Variants in SORCS2 observed in about 807,000 individuals in gnomAD.
The protein encoded by SORCS2 is VPS10 domain-containing receptor SorCS2.
Under a neutral mutation model 141.6 loss-of-function variants are expected in SORCS2, and 100 were observed. The ratio of observed to expected loss-of-function variants is 0.71; its 90% CI spans 0.60 to 0.83. SORCS2 has a LOEUF of 0.83. Ranked by LOEUF, SORCS2 falls within the 40% of genes least tolerant of loss-of-function variation. The pLI is 0.00. For missense variants in SORCS2, 1,646 were observed against 1,560.2 expected, an observed-to-expected ratio of 1.05 and a Z score of -0.93; for synonymous variants, 789 against 676.9, an observed-to-expected ratio of 1.17 and a Z score of -2.57.
At chr4:7,210,506 C>G (rs1321330016) in intron 1 of SORCS2, among the ~76,000 whole-genome samples, 1 of 152,144 alleles carries the variant, frequency 6.6e-6, no homozygotes, top group African/African-American at 2.4e-5. Flanking sequence ...GTGTTGAACT[C>G]CTGGGCTCGA....
intron 8 of SORCS2, among the ~76,000 whole-genome samples, chr4:7,669,395 G>C (rs1434196538): frequency 6.6e-6 from 1 of 152,006 alleles, no homozygotes; most frequent in Non-Finnish European, 1.5e-5. Flanking sequence ...GCTGTCAGGA[G>C]AATGGGGCCC....
Position 7,734,350 on chromosome 4 carries a change from C to G in SORCS2, c.3287C>G (p.Ala1096Gly), listed in dbSNP as rs1478034944. The G allele has an allele frequency of 1.3e-6, 2 of 1,577,128 alleles. No individual in the cohort carries two copies. Among genetic ancestry groups the G allele is most frequent in the Admixed American group, 1.8e-5 (1 of 56,324 alleles). The stretch of plus-strand genomic sequence containing the variant: ...GTCATCGGGCTCTTCGCAGCGGGAG[C>G]CTTCATCCTCTACAAGTTCAAAAGG... ...LFVIGLFAAG[A>G]FILYKFKRKR... The change falls in exon 25 of 27, where the codon GCC (alanine) becomes GGC (glycine). Residue 1096 changes from alanine to glycine, a missense_variant. Transcript: ENST00000507866.
intron 1 of SORCS2, among the ~76,000 whole-genome samples, chr4:7,287,851 G>A (rs1420066621): frequency 6.6e-6 from 1 of 152,182 alleles, no homozygotes; most frequent in East Asian, 1.9e-4. Context: ...TTACTTTGAA[G>A]GAAAGGCTGT....
intron 2 of SORCS2, among the ~76,000 whole-genome samples, chr4:7,491,697 G>C (rs986915131): frequency 3.3e-5 from 5 of 152,206 alleles, no homozygotes; most frequent in Non-Finnish European, 5.9e-5. Flanking sequence ...TATTAAGTCT[G>C]CGTGACCCAT....
intron 1 of SORCS2, among the ~76,000 whole-genome samples, chr4:7,299,353 C>T (rs1372635349): frequency 3.3e-5 from 5 of 152,246 alleles, no homozygotes; most frequent in South Asian, 2.1e-4. Flanking sequence ...GGATCCCAAT[C>T]CGCTCTCCAC....
intron 3 of SORCS2, among the ~76,000 whole-genome samples, chr4:7,574,796 C>G (rs987736617): frequency 2.0e-5 from 3 of 152,212 alleles, no homozygotes; most frequent in Non-Finnish European, 4.4e-5. Flanking sequence ...CCTCATTCAT[C>G]TGAAAGATGC....
At position 7,387,790 on chromosome 4, in the gene SORCS2, A is replaced by G. The variant is rs545754794; in HGVS notation, c.481-8498A>G. ...CACACATGCACACACACATAGGTAC[A>G]TGCATGCTCACATGCACACACAGAT... On this transcript the variant is annotated intron_variant, in intron 1 of 26. Coordinates refer to ENST00000507866, the MANE Select transcript of SORCS2 (RefSeq NM_020777.3). Among the ~76,000 whole-genome samples, 5 of 150,906 alleles carry G rather than the reference A, an allele frequency of 3.3e-5. No individual in the cohort carries two copies. The East Asian group carries it at 7.9e-4, about 24-fold the overall frequency.
intron 10 of SORCS2, among the ~76,000 whole-genome samples, chr4:7,683,610 A>C (rs78394851): frequency 6.3e-4 from 96 of 152,354 alleles, no homozygotes; most frequent in African/African-American, 1.8e-3. Flanking sequence ...TTACTGGTCA[A>C]CATCAAGGAC....
At chr4:7,483,751 G>T (rs1038228917) in intron 2 of SORCS2, among the ~76,000 whole-genome samples, 3 of 151,880 alleles carry the variant, frequency 2.0e-5, no homozygotes, top group African/African-American at 7.3e-5. Context: ...TCTCCAGGGG[G>T]TGGGGGGCCA....
chr4:7,332,458 G>A (rs1289984558), intron 1 of SORCS2, among the ~76,000 whole-genome samples: 2 of 152,234 alleles, frequency 1.3e-5, no homozygotes, highest in East Asian at 3.9e-4. Context: ...CTGTCCAGGG[G>A]AGGATGGAGG....
intron 24 of SORCS2, 121 bp downstream of exon 24, chr4:7,733,542 C>T (rs1309670264): frequency 5.0e-6 from 4 of 807,500 alleles, no homozygotes; most frequent in African/African-American, 1.7e-5. Context: ...GGGTGTTCGC[C>T]TCTGATGGAA....
intron 1 of SORCS2, among the ~76,000 whole-genome samples, chr4:7,257,408 G>C (rs1214706407): frequency 6.6e-6 from 1 of 152,134 alleles, no homozygotes; most frequent in African/African-American, 2.4e-5. Flanking sequence ...GGCTCCAAGA[G>C]AAACCAGTGT....
Position 7,664,319 on chromosome 4 carries a change from T to A in SORCS2, c.953-34T>A, listed in dbSNP as rs747084101. On this transcript the variant is annotated intron_variant, in intron 6 of 26. Coordinates refer to ENST00000507866, the MANE Select transcript of SORCS2 (RefSeq NM_020777.3). The surrounding 1 kb of genome is among the most constrained non-coding windows in gnomAD (Gnocchi z 4.7). ...GGGCCGTCTCTGGCTCCGGCTGGAG[T>A]CTGACCGCCTGGGTCGGCGCCTCTC... 1.3e-6 allele frequency: 2 copies of A among 1,581,170 alleles called. No individual in the cohort carries two copies. Among genetic ancestry groups the A allele is most frequent in the Admixed American group, 1.7e-5 (1 of 58,490 alleles).
chr4:7,543,739 TCCAC>T (rs779476392), intron 3 of SORCS2, among the ~76,000 whole-genome samples: 9,996 of 70,892 alleles, frequency 0.14, 1,811 homozygotes, highest in African/African-American at 0.29. Flanking sequence ...CATCCACCCA[TCCAC>T]CCATCCACCC....
chr4:7,626,052 C>T (rs1719496392), intron 3 of SORCS2, among the ~76,000 whole-genome samples: 3 of 152,002 alleles, frequency 2.0e-5, no homozygotes, highest in Admixed American at 1.3e-4. Context: ...AAGGCTGAGG[C>T]GGGAGGATGG....
chr4:7,376,539 T>G (rs894941560), intron 1 of SORCS2, among the ~76,000 whole-genome samples: 3 of 152,150 alleles, frequency 2.0e-5, no homozygotes, highest in Admixed American at 2.0e-4. Flanking sequence ...ATTGCGCCAC[T>G]TTACTCCAGC....
intron 1 of SORCS2, among the ~76,000 whole-genome samples, chr4:7,197,420 T>A (rs1397632307): frequency 1.3e-5 from 2 of 151,710 alleles, no homozygotes; most frequent in South Asian, 4.2e-4. Context: ...GATCTTAGAG[T>A]AGTCTAGTGG....
chr4:7,374,182 T>TCTTC (rs1722478870), intron 1 of SORCS2, among the ~76,000 whole-genome samples: 1 of 131,516 alleles, frequency 7.6e-6, no homozygotes, highest in Admixed American at 7.8e-5. Context: ...TTTCTTTCTT[T>TCTTC]CTTTCTTTCT....
chr4:7,594,322 C>T (rs1717118125), intron 3 of SORCS2, among the ~76,000 whole-genome samples: 1 of 152,188 alleles, frequency 6.6e-6, no homozygotes, highest in South Asian at 2.1e-4. Context: ...CTGCAAGTGG[C>T]CTGGAGTGGG....
Sources: allele counts gnomAD v4.1 joint callset (sites outside exome capture counted in the v4.1 genomes callset), GRCh38; gene constraint gnomAD v4.1.1; non-coding constraint Gnocchi (gnomAD v3.1); transcripts MANE v1.5; gene names NCBI Gene and HGNC (gene_info 2026-07-23, HGNC 2026-07-21).